Variants in SH3BGR observed in about 807,000 individuals in gnomAD.
The protein encoded by SH3BGR is SH3 domain-binding glutamic acid-rich protein.
A neutral mutation model predicts 24.5 loss-of-function variants in SH3BGR; 29 were observed. That is an observed-to-expected ratio of 1.18 (90% CI 0.88 to 1.61). The LOEUF (loss-of-function observed/expected upper bound fraction) is 1.61. SH3BGR is among the 40% of genes most tolerant of loss of function. SH3BGR has a pLI of 0.00. For synonymous variants in SH3BGR, 55 were observed against 65.7 expected, an observed-to-expected ratio of 0.84 and a Z score of 0.79; for missense variants, 162 against 205.8, an observed-to-expected ratio of 0.79 and a Z score of 1.30.
intron 1 of SH3BGR, among the ~76,000 whole-genome samples, chr21:39,457,601 G>A (rs1173768645): frequency 6.7e-6 from 1 of 149,986 alleles, no homozygotes; most frequent in Non-Finnish European, 1.5e-5. Context: ...TGGTTCTAGG[G>A]CTTAAGTATC....
chr21:39,462,605 T>C, intron 2 of SH3BGR, 45 bp downstream of exon 2: 2 of 1,368,726 alleles, frequency 1.5e-6, no homozygotes, highest in Non-Finnish European at 1.9e-6. Flanking sequence ...TGTGTGTTTA[T>C]TAGAAATTTT....
At chr21:39,463,372 A>G (rs761506372) in intron 2 of SH3BGR, among the ~76,000 whole-genome samples, 51 of 152,238 alleles carry the variant, frequency 3.4e-4, no homozygotes, top group African/African-American at 2.4e-5. Context: ...TATAGATCAT[A>G]CTTAATAAAT....
At chr21:39,492,443 G>GGTGTGT (rs1164205385) in intron 3 of SH3BGR, among the ~76,000 whole-genome samples, 34 of 136,616 alleles carry the variant, frequency 2.5e-4, no homozygotes, top group African/African-American at 8.5e-4. Context: ...AGTTTCCCTT[G>GGTGTGT]GTGTGTGTGT....
At chr21:39,479,227 T>TGGTGGTGGTGGTGGTGGTGGTGATG (rs1438594101) in intron 3 of SH3BGR, among the ~76,000 whole-genome samples, 14 of 129,772 alleles carry the variant, frequency 1.1e-4, no homozygotes, top group Non-Finnish European at 1.8e-4. Flanking sequence ...GTGGTAAGGG[T>TGGTGGTGGTGGTGGTGGTGGTGATG]GGTGGTGGTG....
intron 2 of SH3BGR, among the ~76,000 whole-genome samples, chr21:39,469,178 C>T (rs1277390924): frequency 6.6e-6 from 1 of 151,854 alleles, no homozygotes; most frequent in Non-Finnish European, 1.5e-5. Flanking sequence ...CATGTACCCC[C>T]TGTTCCCACA....
At chr21:39,448,390 T>A (rs1188552527), upstream of SH3BGR, among the ~76,000 whole-genome samples, 7 of 152,204 alleles carry the variant, frequency 4.6e-5, no homozygotes, top group Admixed American at 4.6e-4. Flanking sequence ...AAACATATCA[T>A]CTGGTATCAT....
At chr21:39,459,657 G>C (rs2077722661) in intron 1 of SH3BGR, among the ~76,000 whole-genome samples, 1 of 152,026 alleles carries the variant, frequency 6.6e-6, no homozygotes, top group African/African-American at 2.4e-5. Context: ...CTCTTGAGTA[G>C]CTGGGACTAC....
intron 5 of SH3BGR, among the ~76,000 whole-genome samples, chr21:39,509,817 A>G (rs2078645632): frequency 6.6e-6 from 1 of 152,130 alleles, no homozygotes; most frequent in Non-Finnish European, 1.5e-5. Flanking sequence ...ACTTAAAATT[A>G]TGAACACAAG....
rs1292629791 is a variant in SH3BGR at position 39,511,777 on chromosome 21, C to A, written c.*2C>A. ...CCTGGAGAAGACGAAGATTCCTAGGCCTTTTCATGCTTCATTTCTTCCACT... is the reference window on the plus strand; with the variant it reads ...CCTGGAGAAGACGAAGATTCCTAGGACTTTTCATGCTTCATTTCTTCCACT... On this transcript the variant is annotated 3_prime_UTR_variant, in exon 6 of 7. Coordinates refer to ENST00000333634, the MANE Select transcript of SH3BGR (RefSeq NM_007341.3). This position sits in a 1 kb window ranked among gnomAD's most constrained non-coding sequence, Gnocchi z 4.2. 5.2e-5 allele frequency: 84 copies of A among 1,608,046 alleles called. No individual in the cohort carries two copies. In the Admixed American group the frequency reaches 1.4e-3, roughly 28 times the overall value.
At chr21:39,464,301 C>T (rs2077804583) in intron 2 of SH3BGR, among the ~76,000 whole-genome samples, 1 of 152,138 alleles carries the variant, frequency 6.6e-6, no homozygotes, top group South Asian at 2.1e-4. Context: ...CAGCTCACTG[C>T]AACCTCTACC....
In SH3BGR at chr21:39,509,008, G is replaced by A. The variant is rs1602178516; in HGVS notation, c.416G>A (p.Gly139Glu). 8.1e-6 allele frequency: 13 copies of A among 1,608,952 alleles called. No homozygotes were observed. In the East Asian group the frequency reaches 2.7e-4, roughly 33 times the overall value. Reference sequence around the variant, plus strand: ...ATTTATGGATGTAAGGAAGAAGAAGGAGAGACAGCCACAGAAGAGGTACGG... The same window carrying A: ...ATTTATGGATGTAAGGAAGAAGAAGAAGAGACAGCCACAGAAGAGGTACGG... ...PEAQEKNEEE[G>E]ETATEETEEI... The change falls in exon 5 of 7, where the codon GGA becomes GAA. Residue 139 changes from glycine to glutamate, a missense_variant. Coordinates refer to ENST00000333634, the MANE Select transcript of SH3BGR (RefSeq NM_007341.3).
chr21:39,499,491 A>T (rs1731162734), intron 3 of SH3BGR, among the ~76,000 whole-genome samples: 1 of 152,234 alleles, frequency 6.6e-6, no homozygotes, highest in Admixed American at 6.5e-5. Flanking sequence ...CTCTAAAATT[A>T]TAAGCCTCCC....
intron 5 of SH3BGR, among the ~76,000 whole-genome samples, chr21:39,510,920 T>TATATAC (rs2078678623): frequency 2.2e-5 from 3 of 137,630 alleles, no homozygotes; most frequent in African/African-American, 8.0e-5. Context: ...TATATATATA[T>TATATAC]ATATATATAT....
At chr21:39,509,079 C>G in intron 5 of SH3BGR, 52 bp downstream of exon 5, 1 of 1,472,038 alleles carries the variant, frequency 6.8e-7, no homozygotes, top group African/African-American at 1.4e-5. Flanking sequence ...ATAAAAACAT[C>G]TTTTAGGTGG....
chr21:39,478,491 G>A (rs1270529146), intron 3 of SH3BGR, among the ~76,000 whole-genome samples: 1 of 152,180 alleles, frequency 6.6e-6, no homozygotes, highest in Non-Finnish European at 1.5e-5. Context: ...TGTACGATGA[G>A]GTAGCTGGTA....
At chr21:39,477,476 T>G (rs1443082146) in intron 3 of SH3BGR, among the ~76,000 whole-genome samples, 2 of 152,204 alleles carry the variant, frequency 1.3e-5, no homozygotes, top group African/African-American at 4.8e-5. Context: ...AACCTGGGGT[T>G]GCTCATTATT....
At chr21:39,470,459 A>G (rs927807310) in intron 2 of SH3BGR, among the ~76,000 whole-genome samples, 7 of 152,090 alleles carry the variant, frequency 4.6e-5, no homozygotes, top group African/African-American at 1.4e-4. Context: ...ATAGGGGTTC[A>G]CCATGTTGGC....
intron 2 of SH3BGR, among the ~76,000 whole-genome samples, chr21:39,469,964 T>C (rs549631589): frequency 1.3e-5 from 2 of 152,142 alleles, no homozygotes; most frequent in Admixed American, 6.5e-5. Context: ...CCTGCAGTAT[T>C]TTCTTTATTG....
intron 4 of SH3BGR, among the ~76,000 whole-genome samples, chr21:39,508,755 G>GC (rs2078625314): frequency 1.3e-5 from 2 of 152,170 alleles, no homozygotes; most frequent in African/African-American, 4.8e-5. Flanking sequence ...TTTCTCAGGA[G>GC]TTCAAGTGAT....
Sources: gnomAD v4.1 joint callset for allele counts (sites outside exome capture counted in the v4.1 genomes callset) on GRCh38, gnomAD v4.1.1 for gene constraint, Gnocchi (gnomAD v3.1) non-coding constraint, MANE v1.5 for transcripts, NCBI Gene and HGNC (gene_info 2026-07-23, HGNC 2026-07-21) for gene names.